TNKS: variants seen among roughly 807,000 people sequenced by gnomAD.
TNKS encodes poly [ADP-ribose] polymerase tankyrase-1.
Under a neutral mutation model 135.8 loss-of-function variants are expected in TNKS, and 72 were observed. The observed-to-expected ratio is 0.53, with a 90% CI of 0.44 to 0.64. The LOEUF (loss-of-function observed/expected upper bound fraction) is 0.64, where lower values mean the gene tolerates loss of function less well. TNKS is among the 30% of genes least tolerant of loss of function. TNKS has a pLI of 0.00. For missense variants in TNKS, 1,769 were observed against 1,674.0 expected (o/e 1.06, Z -0.99); for synonymous variants, 849 against 649.3 (o/e 1.31, Z -4.68).
intron 3 of TNKS, among the ~76,000 whole-genome samples, chr8:9,627,024 C>T (rs1345368619): frequency 1.3e-5 from 2 of 152,070 alleles, no homozygotes; most frequent in Non-Finnish European, 2.9e-5. Context: ...GGACTTTCAG[C>T]CCAACCACTG....
In TNKS at chr8:9,643,738, A is replaced by T. The variant is rs547303781; in HGVS notation, c.994+28061A>T. ...GACTCCTCAAAAAATTAAAAATAGA[A>T]TTCCCATATGACCCGGCAATTCTGC... On this transcript the variant is annotated intron_variant, in intron 3 of 26. Transcript: ENST00000310430. Among the ~76,000 whole-genome samples, 4 of 152,296 alleles carry T rather than the reference A, an allele frequency of 2.6e-5. No homozygotes were observed. In the East Asian group the frequency reaches 7.7e-4, roughly 29 times the overall value.
intron 1 of TNKS, among the ~76,000 whole-genome samples, chr8:9,570,661 T>A (rs1177774937): frequency 6.6e-6 from 1 of 152,236 alleles, no homozygotes; most frequent in Non-Finnish European, 1.5e-5. Context: ...CATGATGGGC[T>A]TGGGACTCAG....
intron 2 of TNKS, among the ~76,000 whole-genome samples, chr8:9,591,482 G>C (rs117611957): frequency 3.3e-5 from 5 of 152,226 alleles, no homozygotes; most frequent in Admixed American, 2.6e-4. Context: ...GTGCACATTG[G>C]ACTGTAAAAG....
rs1423164613 is a variant in TNKS, at chr8:9,779,488, G to A, written c.*2752G>A. 1.3e-5 allele frequency: 2 copies of A among 152,090 alleles called. No homozygotes were observed. Among genetic ancestry groups the A allele is most frequent in the African/African-American group, 4.8e-5 (2 of 41,410 alleles). 9.4% of individuals were successfully genotyped at this position (152,090 alleles called of 1,614,324 possible). A position where few individuals can be genotyped will look rare whatever the true frequency, so the allele number is the denominator to read the frequency against. On this transcript the variant is annotated 3_prime_UTR_variant, in exon 27 of 27. Coordinates refer to ENST00000310430, the MANE Select transcript of TNKS (RefSeq NM_003747.3). ...GTTCCAAAACTAAAGGGCTTCTCCA[G>A]ACCTGATGGTTCCAGTTTACCTGCT...
At chr8:9,617,401 G>C (rs1799687021) in intron 3 of TNKS, among the ~76,000 whole-genome samples, 1 of 152,106 alleles carries the variant, frequency 6.6e-6, no homozygotes, top group Non-Finnish European at 1.5e-5. Flanking sequence ...AATATCTCTA[G>C]AGTCATTTAG....
intron 3 of TNKS, among the ~76,000 whole-genome samples, chr8:9,660,460 C>T (rs1801640580): frequency 6.6e-6 from 1 of 152,192 alleles, no homozygotes; most frequent in Non-Finnish European, 1.5e-5. Context: ...CGTAATCCAG[C>T]ATGTAAAGAG....
chr8:9,557,384 G>T (rs1214373740), intron 1 of TNKS: 3 of 146,334 alleles, frequency 2.1e-5, no homozygotes, highest in Non-Finnish European at 3.0e-5. Context: ...TTAAGCTCTG[G>T]ACCCCACACT....
chr8:9,628,606 T>G (rs909124157), intron 3 of TNKS, among the ~76,000 whole-genome samples: 3 of 152,106 alleles, frequency 2.0e-5, no homozygotes, highest in African/African-American at 7.2e-5. Context: ...AGGCCCAGGT[T>G]AAGTCCTAGG....
intron 3 of TNKS, among the ~76,000 whole-genome samples, chr8:9,656,217 C>CAAAGAAGT: frequency 6.6e-6 from 1 of 152,318 alleles, no homozygotes; most frequent in South Asian, 2.1e-4. Context: ...CGAACAAAGC[C>CAAAGAAGT]TCCAAGAAAT....
intron 24 of TNKS, 54 bp downstream of exon 24, chr8:9,765,851 G>C: frequency 2.1e-6 from 3 of 1,454,910 alleles, no homozygotes; most frequent in South Asian, 1.2e-5. Context: ...GCAGGAGTCA[G>C]TAAAGGGAAA....
chr8:9,756,903 A>G (rs1344364490), intron 20 of TNKS, among the ~76,000 whole-genome samples: 2 of 151,830 alleles, frequency 1.3e-5, no homozygotes, highest in Admixed American at 6.6e-5. Context: ...CTAAAATACA[A>G]CTTTGATCAT....
In TNKS at chr8:9,589,099, C is replaced by T. The variant is rs372240368; in HGVS notation, c.898+8716C>T. On this transcript the variant is annotated intron_variant, in intron 2 of 26. Transcript: ENST00000310430. ...GGATTATTTCCCTGCTCCCACTGAA[C>T]CTATTGACATGAGAAAAAATCTATA... Among the ~76,000 whole-genome samples, 9 of 152,170 alleles carry T rather than the reference C, an allele frequency of 5.9e-5. No homozygotes were observed. In the East Asian group the frequency reaches 9.7e-4, roughly 16 times the overall value.
chr8:9,712,332 T>C (rs1804379267), intron 11 of TNKS, among the ~76,000 whole-genome samples: 1 of 151,682 alleles, frequency 6.6e-6, no homozygotes, highest in African/African-American at 2.4e-5. Flanking sequence ...ATTTAAAAAT[T>C]AGCCAGTCGT....
At chr8:9,558,657 T>A (rs1432957042) in intron 1 of TNKS, 1 of 152,196 alleles carries the variant, frequency 6.6e-6, no homozygotes, top group Non-Finnish European at 1.5e-5. Context: ...CAATAGTTAC[T>A]TGTTATTCTG....
intron 25 of TNKS, among the ~76,000 whole-genome samples, chr8:9,769,628 T>C (rs1465709385): frequency 1.4e-5 from 2 of 140,040 alleles, no homozygotes; most frequent in East Asian, 4.0e-4. Context: ...TTTTTTTTTT[T>C]TTTTTTTTTG....
chr8:9,757,379 C>T (rs1307799268), intron 20 of TNKS, among the ~76,000 whole-genome samples: 2 of 152,166 alleles, frequency 1.3e-5, no homozygotes, highest in African/African-American at 4.8e-5. Flanking sequence ...TTGATACATA[C>T]TCTCCTGTAA....
intron 22 of TNKS, among the ~76,000 whole-genome samples, chr8:9,764,406 C>T (rs1198374167): frequency 1.3e-5 from 2 of 152,034 alleles, no homozygotes; most frequent in Non-Finnish European, 2.9e-5. Context: ...TTGACTTAAT[C>T]AGAGTGTTAG....
At chr8:9,720,719 T>C (rs893226307) in intron 12 of TNKS, among the ~76,000 whole-genome samples, 174 bp downstream of exon 12, 32 of 152,138 alleles carry the variant, frequency 2.1e-4, no homozygotes, top group African/African-American at 7.7e-4. Flanking sequence ...GTAGGTGTCA[T>C]GGGAAGGAAG....
chr8:9,600,562 C>T (rs1413111343), intron 2 of TNKS, among the ~76,000 whole-genome samples: 1 of 152,084 alleles, frequency 6.6e-6, no homozygotes, highest in African/African-American at 2.4e-5. Context: ...ATCTGTTGGT[C>T]TCGGCCTCCC....
Sources: allele counts gnomAD v4.1 joint callset (sites outside exome capture counted in the v4.1 genomes callset), GRCh38; gene constraint gnomAD v4.1.1; transcripts MANE v1.5; gene names NCBI Gene and HGNC (gene_info 2026-07-23, HGNC 2026-07-21).